The following NPC1 variants were observed in gnomAD, a reference collection of about 807,000 sequenced individuals.
NPC1 encodes the protein NPC intracellular cholesterol transporter 1, also known as Niemann-Pick C1 protein.
Under a neutral mutation model 140.4 loss-of-function variants are expected in NPC1, and 85 were observed. The observed-to-expected ratio is 0.61, with a 90% CI of 0.51 to 0.72. The LOEUF (loss-of-function observed/expected upper bound fraction) is 0.72, where lower values mean the gene tolerates loss of function less well. Among genes scored for constraint, NPC1 ranks in the 30% least tolerant of loss-of-function variants. The pLI is 0.00. For missense variants in NPC1, 1,504 were observed against 1,623.8 expected, an observed-to-expected ratio of 0.93 and a Z score of 1.27; for synonymous variants, 656 against 624.8, an observed-to-expected ratio of 1.05 and a Z score of -0.74.
At chr18:23,575,795 A>T (rs1369780902) in intron 1 of NPC1, among the ~76,000 whole-genome samples, 12 of 149,812 alleles carry the variant, frequency 8.0e-5, no homozygotes, top group Non-Finnish European at 1.6e-4. Context: ...AAAAAAAAAA[A>T]AGTCATCCTG....
rs768151022 is a variant in NPC1 at position 23,568,825 on chromosome 18, T to C, written c.461A>G (p.Asn154Ser). ...LQYYVGQSFA[N>S]AMYNACRDVE... is the part of the protein sequence containing the mutation. Reference sequence around the variant, plus strand: ...GGAATAATTAAAAGTTTACTTACCATTGGCAAAACTCTGTCCGACGTAGTA... The same window carrying C: ...GGAATAATTAAAAGTTTACTTACCACTGGCAAAACTCTGTCCGACGTAGTA... Residue 154 changes from asparagine (N) to serine (S), a missense_variant and splice_region_variant, in exon 4 of 25, where the codon AAT becomes AGT. Transcript: ENST00000269228. The C allele has an allele frequency of 1.2e-6, 2 of 1,613,548 alleles. No homozygotes were observed. The highest frequency in any genetic ancestry group is 1.3e-5 in the African/African-American group (1 of 75,050).
rs1339752342 is a variant in NPC1 at position 23,544,974 on chromosome 18, A to AG, written c.1932dup (p.Cys645LeufsTer44). On this transcript the variant is annotated frameshift_variant, in exon 12 of 25. Coordinates refer to ENST00000269228, the MANE Select transcript of NPC1 (RefSeq NM_000271.5). LOFTEE classifies it high-confidence loss of function. ...CCCCGGCTTACCAGAAGCCTGCGACAGCTTTTCATGTGCCCCAAGGCTAGG... is the reference window on the plus strand; with the variant it reads ...CCCCGGCTTACCAGAAGCCTGCGACAGGCTTTTCATGTGCCCCAAGGCTAGG... The AG allele has an allele frequency of 6.6e-7, 1 of 1,523,820 alleles. No homozygotes were observed. The highest frequency in any genetic ancestry group is 1.8e-5 in the Admixed American group (1 of 55,204). 94.4% of individuals were successfully genotyped at this position (1,523,820 alleles called of 1,614,324 possible). A position where few individuals can be genotyped will look rare whatever the true frequency, so the allele number is the denominator to read the frequency against.
At chr18:23,543,232 G>A (rs1448389436) in intron 14 of NPC1, among the ~76,000 whole-genome samples, 2 of 151,696 alleles carry the variant, frequency 1.3e-5, no homozygotes, top group African/African-American at 4.8e-5. Context: ...GGGAGGCTGA[G>A]GCAGGAAAAT....
In NPC1 at chr18:23,561,427, G is replaced by T; in HGVS notation, c.564C>A (p.Asn188Lys). 6.2e-7 allele frequency: 1 copy of T among 1,614,200 alleles called. No homozygotes were observed. The highest frequency in any genetic ancestry group is 1.1e-5 in the South Asian group (1 of 91,082). The change falls in exon 5 of 25, where the codon AAC becomes AAA. Residue 188 changes from asparagine (N) to lysine (K), a missense_variant. Physicochemically the swap from Asn to Lys is moderately conservative, Grantham distance 94. Transcript: ENST00000269228. ...CCTTATTGAACATGTATTCAATCCAGTTGGTGGCATTACAGGCGTCAGCGT... is the reference window on the plus strand; with the variant it reads ...CCTTATTGAACATGTATTCAATCCATTTGGTGGCATTACAGGCGTCAGCGT... The part of the protein sequence containing the change: ...GKDADACNAT[N>K]WIEYMFNKDN...
rs540022744 is a variant in NPC1 at position 23,545,136 on chromosome 18, C to A, written c.1771G>T (p.Val591Leu). ...AGATTGGGATTCTTGTAGTTTTTCACAAAATTAATAAACCTAAAAGGTAAG... is the reference window on the plus strand; with the variant it reads ...AGATTGGGATTCTTGTAGTTTTTCAAAAAATTAATAAACCTAAAAGGTAAG... Reference protein sequence around the residue: ...QAWEKEFINFVKNYKNPNLTI... With the variant: ...QAWEKEFINFLKNYKNPNLTI... The change falls in exon 12 of 25, where the codon GTG (valine) becomes TTG (leucine). Residue 591 changes from valine (V) to leucine (L), a missense_variant. By Grantham distance (32) the Val-to-Leu change is conservative (BLOSUM62 1). Transcript: ENST00000269228. The A allele has an allele frequency of 2.5e-6, 4 of 1,610,350 alleles. No individual in the cohort carries two copies. Among genetic ancestry groups the A allele is most frequent in the Non-Finnish European group, 3.4e-6 (4 of 1,176,694 alleles).
rs756756960 is a variant in NPC1, at chr18:23,539,929, G to T, written c.2677C>A (p.Leu893Met). ...LHAGPPVYFVLEEGHDYTSSK... is the reference protein window; with the variant it reads ...LHAGPPVYFVMEEGHDYTSSK... The stretch of plus-strand genomic sequence containing the variant: ...GAAGTGTAGTCGTGCCCTTCCTCCA[G>T]GACAAAGTACACAGGCGGACCCGCA... The change falls in exon 18 of 25, where the codon CTG (leucine) becomes ATG (methionine). Residue 893 changes from leucine (L) to methionine (M), a missense_variant. Physicochemically the swap from Leu to Met is conservative, Grantham distance 15. Transcript: ENST00000269228. 6.2e-7 allele frequency: 1 copy of T among 1,614,140 alleles called. No individual in the cohort carries two copies. Among genetic ancestry groups the T allele is most frequent in the Non-Finnish European group, 8.5e-7 (1 of 1,180,010 alleles).
chr18:23,566,880 C>G (rs910728190), intron 4 of NPC1, among the ~76,000 whole-genome samples: 2 of 152,212 alleles, frequency 1.3e-5, no homozygotes, highest in Non-Finnish European at 2.9e-5. Context: ...TGACTTTTTA[C>G]TGTCTCCACG....
chr18:23,539,960 G>A lies in NPC1; in HGVS notation c.2646C>T (p.Tyr882=), dbSNP rs2145373926. 1 of 1,614,196 alleles carries A rather than the reference G, an allele frequency of 6.2e-7. No individual in the cohort carries two copies. Among genetic ancestry groups the A allele is most frequent in the Non-Finnish European group, 8.5e-7 (1 of 1,180,024 alleles). The change falls in exon 18 of 25, where the codon TAC becomes TAT. Residue 882 remains tyrosine, a synonymous_variant. Transcript: ENST00000269228. ...MVDYFKSISQ[Y]LHAGPPVYFV... is the part of the protein sequence containing the mutation. The stretch of plus-strand genomic sequence containing the variant: ...AGTACACAGGCGGACCCGCATGCAG[G>A]TACTGACTGATGGATTTGAAATAAT...
downstream of NPC1, chr18:23,524,504 T>C: frequency 6.2e-7 from 1 of 1,612,504 alleles, no homozygotes; most frequent in Non-Finnish European, 8.5e-7. Flanking sequence ...GGGACAGTTG[T>C]CGTGTTACAA....
At position 23,524,270 on chromosome 18, in the gene NPC1, C is replaced by A. The variant is rs115130680; in HGVS notation, c.164-1364G>T. On this transcript the variant is annotated intron_variant, in intron 1 of 1. Coordinates refer to the NPC1 transcript ENST00000590723. ...TCCTCCTCCGGGCAGCTGTGAATAACACTCCGAGAGCCACCCCGCAGGCAG... is the reference window on the plus strand; with the variant it reads ...TCCTCCTCCGGGCAGCTGTGAATAAAACTCCGAGAGCCACCCCGCAGGCAG... 2,398 of 1,531,866 alleles carry A rather than the reference C, an allele frequency of 1.6e-3. 34 individuals are homozygous for A. The African/African-American group carries it at 0.03, about 19-fold the overall frequency. 94.9% of individuals were successfully genotyped at this position (1,531,866 alleles called of 1,614,324 possible). A position where few individuals can be genotyped will look rare whatever the true frequency, so the allele number is the denominator to read the frequency against.
At chr18:23,526,892 G>A (rs1477859558), downstream of NPC1, 3 of 1,312,468 alleles carry the variant, frequency 2.3e-6, no homozygotes, top group African/African-American at 3.0e-5. Context: ...CTTTATGTGA[G>A]GGGTGGCTAT....
rs879276742 is a variant in NPC1 at position 23,557,138 on chromosome 18, A to G, written c.934T>C (p.Ser312Pro). ...CTACCTTTGTCACTTGCATTAACAG[A>G]AAAAGCTATATTGCTATCGATGGGA... ...YTPIDSNIAF[S>P]VNASDKGEAS... The change falls in exon 7 of 25, where the codon TCT becomes CCT. Residue 312 changes from serine to proline, a missense_variant. By Grantham distance (74) the Ser-to-Pro change is moderately conservative. Transcript: ENST00000269228. The G allele has an allele frequency of 1.5e-5, 25 of 1,613,628 alleles. No homozygotes were observed. Among genetic ancestry groups the G allele is most frequent in the Non-Finnish European group, 2.1e-5 (25 of 1,179,730 alleles).
At chr18:23,523,968 G>C (rs896286390) in intron 1 of NPC1, among the ~76,000 whole-genome samples, 2 of 151,968 alleles carry the variant, frequency 1.3e-5, no homozygotes, top group Admixed American at 6.6e-5. Context: ...CTTCCTCCCC[G>C]TACGTGCTTT....
At chr18:23,573,965 C>T (rs1000869946) in intron 1 of NPC1, among the ~76,000 whole-genome samples, 1 of 152,106 alleles carries the variant, frequency 6.6e-6, no homozygotes, top group African/African-American at 2.4e-5. Context: ...AGAATATTTC[C>T]ATATGTATTT....
intron 20 of NPC1, among the ~76,000 whole-genome samples, chr18:23,537,834 C>T (rs944456303): frequency 5.9e-5 from 9 of 152,156 alleles, no homozygotes; most frequent in African/African-American, 1.7e-4. Flanking sequence ...CATGATACCT[C>T]GAATAGGTCT....
At chr18:23,560,526 C>T (rs981197326) in intron 5 of NPC1, 46 bp from the exon 6 acceptor site, 1 of 1,606,232 alleles carries the variant, frequency 6.2e-7, no homozygotes, top group South Asian at 1.1e-5. Flanking sequence ...TTAAAAACAT[C>T]CAAAATTTTG....
chr18:23,535,406 G>C (rs574151087), intron 22 of NPC1, 63 bp downstream of exon 22: 1 of 1,191,734 alleles, frequency 8.4e-7, no homozygotes, highest in Non-Finnish European at 1.2e-6. Flanking sequence ...TGGAATCTAA[G>C]ACAGCCAATT....
intron 16 of NPC1, 124 bp downstream of exon 16, chr18:23,540,944 C>CTT: frequency 3.4e-6 from 4 of 1,161,526 alleles, no homozygotes; most frequent in Non-Finnish European, 5.1e-6. Context: ...TTTGCTTTTG[C>CTT]TTTTTTTTTA....
At position 23,541,123 on chromosome 18, in the gene NPC1, A is replaced by G; in HGVS notation, c.2459T>C (p.Phe820Ser). 1 of 1,614,208 alleles carries G rather than the reference A, an allele frequency of 6.2e-7. No individual in the cohort carries two copies. The highest frequency in any genetic ancestry group is 8.5e-7 in the Non-Finnish European group (1 of 1,180,022). ...AAGTGGAGAATAGGAGTTTTTGAAG[A>G]AGCGAAACAAACAGCTCTCTGAGGC... ...VQASESCLFR[F>S]FKNSYSPLLL... The change falls in exon 16 of 25, where the codon TTC becomes TCC. Residue 820 changes from phenylalanine (F) to serine (S), a missense_variant. By Grantham distance (155) the Phe-to-Ser change is radical. Coordinates refer to ENST00000269228, the MANE Select transcript of NPC1 (RefSeq NM_000271.5).
Sources: gnomAD v4.1 joint callset for allele counts (sites outside exome capture counted in the v4.1 genomes callset) on GRCh38, gnomAD v4.1.1 for gene constraint, MANE v1.5 for transcripts, NCBI Gene and HGNC (gene_info 2026-07-23, HGNC 2026-07-21) for gene names.